Variants in SLC26A4 observed in about 807,000 individuals in gnomAD.
The protein encoded by SLC26A4 is solute carrier family 26 member 4.
A neutral mutation model predicts 90.4 loss-of-function variants in SLC26A4; 93 were observed. The observed-to-expected ratio is 1.03, with a 90% CI of 0.87 to 1.22. The LOEUF is 1.22. Among genes scored for constraint, SLC26A4 ranks in the 50% most tolerant of loss-of-function variants. The pLI is 0.00. For missense variants in SLC26A4, 1,127 were observed against 946.2 expected, an observed-to-expected ratio of 1.19 and a Z score of -2.51; for synonymous variants, 393 against 354.6, an observed-to-expected ratio of 1.11 and a Z score of -1.22.
At chr7:107,663,256 G>C in intron 2 of SLC26A4, 40 bp from the exon 3 acceptor site, 1 of 1,613,244 alleles carries the variant, frequency 6.2e-7, no homozygotes, top group South Asian at 1.1e-5. Flanking sequence ...GGTTGTGACT[G>C]AGATTGGATT....
At position 107,661,287 on chromosome 7, in the gene SLC26A4, G is replaced by T; in HGVS notation, c.-3-352G>T. On this transcript the variant is annotated intron_variant, in intron 1 of 20. Transcript: ENST00000644269. The surrounding 1 kb of genome is among the most constrained non-coding windows in gnomAD (Gnocchi z 5.1). Reference sequence around the variant, plus strand: ...GCCCCTGCCCCAGCCCCTCGGTTTGGGGGAGATTTCAGAACGCGGACAGCG... The same window carrying T: ...GCCCCTGCCCCAGCCCCTCGGTTTGTGGGAGATTTCAGAACGCGGACAGCG... The T allele has an allele frequency of 2.6e-6, 1 of 387,706 alleles. No homozygotes were observed. Among genetic ancestry groups the T allele is most frequent in the Non-Finnish European group, 4.8e-6 (1 of 210,430 alleles). The allele number at this position is 387,706 out of a possible 1,614,324, so 24.0% of individuals were successfully genotyped here.
rs369230529 is a variant in SLC26A4 at position 107,674,372 on chromosome 7, T to C, written c.600+24T>C. On this transcript the variant is annotated intron_variant, in intron 5 of 20. Transcript: ENST00000644269. ...AGGTAATGAACTTACAAGTAAAATA[T>C]AGATGGATGTAATTTTTATTTGAAA... The C allele has an allele frequency of 3.4e-4, 506 of 1,491,304 alleles. 1 individual carries two copies. Among genetic ancestry groups the C allele is most frequent in the Non-Finnish European group, 4.6e-4 (491 of 1,068,196 alleles). 92.4% of individuals were successfully genotyped at this position (1,491,304 alleles called of 1,614,324 possible).
At chr7:107,708,084 C>A (rs930986351) in intron 18 of SLC26A4, among the ~76,000 whole-genome samples, 6 of 152,134 alleles carry the variant, frequency 3.9e-5, no homozygotes, top group African/African-American at 1.4e-4. Context: ...AAGAGTAAAC[C>A]AATCCTCTGA....
chr7:107,694,841 T>C (rs1228286635), intron 12 of SLC26A4, 125 bp downstream of exon 12: 10 of 733,772 alleles, frequency 1.4e-5, no homozygotes, highest in Admixed American at 1.2e-4. Flanking sequence ...AGAGGAGAAA[T>C]TAGAATTGTG....
At chr7:107,690,678 C>T (rs1035381868) in intron 10 of SLC26A4, among the ~76,000 whole-genome samples, 1 of 152,016 alleles carries the variant, frequency 6.6e-6, no homozygotes, top group Non-Finnish European at 1.5e-5. Flanking sequence ...CCTCCAGGGG[C>T]GTTTGGTCCC....
chr7:107,683,839 T>C (rs1216266163), intron 8 of SLC26A4, among the ~76,000 whole-genome samples: 1 of 152,148 alleles, frequency 6.6e-6, no homozygotes, highest in Non-Finnish European at 1.5e-5. Context: ...TAATATAATA[T>C]AAATAGAATC....
chr7:107,665,039 A>G (rs1267443239), intron 3 of SLC26A4, among the ~76,000 whole-genome samples: 1 of 152,026 alleles, frequency 6.6e-6, no homozygotes, highest in Non-Finnish European at 1.5e-5. Context: ...GGGGAGTGCA[A>G]ATTACTTGCT....
intron 8 of SLC26A4, among the ~76,000 whole-genome samples, chr7:107,685,893 C>T (rs762444905): frequency 5.3e-5 from 8 of 151,456 alleles, no homozygotes; most frequent in Non-Finnish European, 8.8e-5. Context: ...TGTGTGCTCA[C>T]GCACGTGTAT....
At chr7:107,691,546 A>ACAC (rs61056189) in intron 10 of SLC26A4, among the ~76,000 whole-genome samples, 2 of 31,942 alleles carry the variant, frequency 6.3e-5, no homozygotes, top group Admixed American at 3.7e-4. Context: ...CACACACACA[A>ACAC]ACATATATAT....
intron 20 of SLC26A4, among the ~76,000 whole-genome samples, chr7:107,714,493 C>T (rs977301076): frequency 3.3e-5 from 5 of 152,114 alleles, no homozygotes; most frequent in African/African-American, 4.8e-5. Flanking sequence ...AAGTCATTAT[C>T]GACCTGAGAA....
Position 107,661,680 on chromosome 7 carries a change from C to A in SLC26A4, c.39C>A (p.Leu13=), listed in dbSNP as rs1562817215. ...APGGRSEPPQ[L]PEYSCSYMVS... is the part of the protein sequence containing the mutation. ...GCGGCAGGTCGGAGCCGCCGCAGCT[C>A]CCCGAGTACAGCTGCAGCTACATGG... Residue 13 remains leucine, a synonymous_variant, in exon 2 of 21, where the codon CTC becomes CTA. Coordinates refer to ENST00000644269, the MANE Select transcript of SLC26A4 (RefSeq NM_000441.2). This position sits in a 1 kb window ranked among gnomAD's most constrained non-coding sequence, Gnocchi z 5.1. 2 of 1,572,500 alleles carry A rather than the reference C, an allele frequency of 1.3e-6. No individual in the cohort carries two copies. Among genetic ancestry groups the A allele is most frequent in the Non-Finnish European group, 1.7e-6 (2 of 1,163,842 alleles).
Position 107,698,077 on chromosome 7 carries a change from C to T in SLC26A4, c.1580C>T (p.Thr527Ile). Residue 527 changes from threonine (T) to isoleucine (I), a missense_variant, in exon 14 of 21, where the codon ACA (threonine) becomes ATA (isoleucine). By Grantham distance (89) the Thr-to-Ile change is moderately conservative. Coordinates refer to ENST00000644269, the MANE Select transcript of SLC26A4 (RefSeq NM_000441.2). ...AATGGCCTTGGAAGCATCCCTAGCA[C>T]AGATATCTACAAAAGTACCAAGAAT... ...SWNGLGSIPS[T>I]DIYKSTKNYK... 6.2e-7 allele frequency: 1 copy of T among 1,610,430 alleles called. No individual in the cohort carries two copies. The highest frequency in any genetic ancestry group is 8.5e-7 in the Non-Finnish European group (1 of 1,176,696).
At position 107,700,120 on chromosome 7, in the gene SLC26A4, C is replaced by G. The variant is rs1377531525; in HGVS notation, c.1652C>G (p.Ser551Cys). 4 of 1,591,636 alleles carry G rather than the reference C, an allele frequency of 2.5e-6. No individual in the cohort carries two copies. The highest frequency in any genetic ancestry group is 3.4e-6 in the Non-Finnish European group (4 of 1,159,748). The change falls in exon 15 of 21, where the codon TCC (serine) becomes TGC (cysteine). Residue 551 changes from serine (S) to cysteine (C), a missense_variant. By Grantham distance (112) the Ser-to-Cys change is moderately radical. Coordinates refer to ENST00000644269, the MANE Select transcript of SLC26A4 (RefSeq NM_000441.2). Reference protein sequence around the residue: ...EPQGVKILRFSSPIFYGNVDG... With the variant: ...EPQGVKILRFCSPIFYGNVDG... ...CAAGGAGTGAAGATTCTTAGATTTT[C>G]CAGTCCTATTTTCTATGGCAATGTC... is the stretch of plus-strand genomic sequence containing the variant.
At chr7:107,692,932 T>C (rs1284607010) in intron 10 of SLC26A4, 1 of 152,128 alleles carries the variant, frequency 6.6e-6, no homozygotes, top group Non-Finnish European at 1.5e-5. Context: ...TTATGACATA[T>C]AATTGGCAAG....
chr7:107,712,677 G>T, intron 20 of SLC26A4, 55 bp downstream of exon 20: 1 of 935,068 alleles, frequency 1.1e-6, no homozygotes, highest in Non-Finnish European at 1.8e-6. Flanking sequence ...AATAATTAGA[G>T]TAATACAAAT....
chr7:107,709,019 G>A (rs566331488), intron 18 of SLC26A4, among the ~76,000 whole-genome samples: 7 of 152,174 alleles, frequency 4.6e-5, no homozygotes, highest in African/African-American at 2.4e-5. Context: ...TTGCACAAGC[G>A]ATTTATTGAG....
Position 107,661,662 on chromosome 7 carries a change from G to A in SLC26A4, c.21G>A (p.Arg7=), listed in dbSNP as rs929239906. MAAPGG[R]SEPPQLPEYS... is the part of the protein sequence containing the mutation. ...AGGTCATGGCAGCGCCAGGCGGCAG[G>A]TCGGAGCCGCCGCAGCTCCCCGAGT... The change falls in exon 2 of 21, where the codon AGG becomes AGA. Residue 7 remains arginine (R), a synonymous_variant. Coordinates refer to ENST00000644269, the MANE Select transcript of SLC26A4 (RefSeq NM_000441.2). This position sits in a 1 kb window ranked among gnomAD's most constrained non-coding sequence, Gnocchi z 5.1. 23 of 1,568,332 alleles carry A rather than the reference G, an allele frequency of 1.5e-5. No homozygotes were observed. Among genetic ancestry groups the A allele is most frequent in the Non-Finnish European group, 2.0e-5 (23 of 1,162,610 alleles).
intron 8 of SLC26A4, among the ~76,000 whole-genome samples, chr7:107,683,830 A>G (rs1266086555): frequency 6.6e-6 from 1 of 152,190 alleles, no homozygotes; most frequent in Non-Finnish European, 1.5e-5. Flanking sequence ...ATAACATTAT[A>G]ATATAATATA....
chr7:107,661,941 C>T lies in SLC26A4; in HGVS notation c.164+136C>T. Reference sequence around the variant, plus strand: ...GGGCGCCAGCTGCTTCTCCCAGAGGCCCGACTTTCGGTCTCCGGTCCTCCA... The same window carrying T: ...GGGCGCCAGCTGCTTCTCCCAGAGGTCCGACTTTCGGTCTCCGGTCCTCCA... On this transcript the variant is annotated intron_variant, in intron 2 of 20. Transcript: ENST00000644269. The surrounding 1 kb of genome is among the most constrained non-coding windows in gnomAD (Gnocchi z 5.1). 2 of 1,003,462 alleles carry T rather than the reference C, an allele frequency of 2.0e-6. No individual in the cohort carries two copies. Among genetic ancestry groups the T allele is most frequent in the Non-Finnish European group, 2.8e-6 (2 of 704,134 alleles). 62.2% of individuals were successfully genotyped at this position (1,003,462 alleles called of 1,614,324 possible).
Sources: allele counts gnomAD v4.1 joint callset (sites outside exome capture counted in the v4.1 genomes callset), GRCh38; gene constraint gnomAD v4.1.1; non-coding constraint Gnocchi (gnomAD v3.1); transcripts MANE v1.5; gene names NCBI Gene and HGNC (gene_info 2026-07-23, HGNC 2026-07-21).